CAMTA1: variants seen among roughly 807,000 people sequenced by gnomAD.
CAMTA1 encodes calmodulin-binding transcription activator 1.
CAMTA1 carries 27 observed loss-of-function variants against 170.9 expected under a neutral mutation model. The ratio of observed to expected loss-of-function variants is 0.16; its 90% CI spans 0.12 to 0.22. CAMTA1 has a LOEUF of 0.22. Ranked by LOEUF, CAMTA1 falls within the 10% of genes least tolerant of loss-of-function variation. The pLI is 1.00. For synonymous variants in CAMTA1, 833 were observed against 891.5 expected (o/e 0.93, Z 1.17); for missense variants, 1,619 against 2,217.2 (o/e 0.73, Z 5.42).
chr1:7,389,843 T>A (rs1340984275), intron 5 of CAMTA1: 1 of 152,518 alleles, frequency 6.6e-6, no homozygotes, highest in East Asian at 1.9e-4. Flanking sequence ...GCAGGACAGT[T>A]AGCCCAGACT....
At chr1:6,930,811 C>A (rs1408277043) in intron 3 of CAMTA1, among the ~76,000 whole-genome samples, 1 of 152,214 alleles carries the variant, frequency 6.6e-6, no homozygotes, top group East Asian at 1.9e-4. Flanking sequence ...TCAGCCCCTG[C>A]TCTGGAGCTT....
chr1:6,830,660 G>A (rs1329288743), intron 3 of CAMTA1, among the ~76,000 whole-genome samples: 1 of 151,870 alleles, frequency 6.6e-6, no homozygotes, highest in Admixed American at 6.6e-5. Flanking sequence ...ATTTATTGAG[G>A]TTTAATTTAT....
intron 5 of CAMTA1, among the ~76,000 whole-genome samples, chr1:7,438,015 C>T (rs2092401538): frequency 6.6e-6 from 1 of 152,218 alleles, no homozygotes; most frequent in South Asian, 2.1e-4. Flanking sequence ...CACAGAGGGC[C>T]TTGCTGAGAG....
At chr1:7,031,549 T>C (rs1702797246) in intron 3 of CAMTA1, among the ~76,000 whole-genome samples, 1 of 152,166 alleles carries the variant, frequency 6.6e-6, no homozygotes, top group Admixed American at 6.5e-5. Context: ...TCTCTGTCTT[T>C]TTTTTCTTGA....
In CAMTA1 at chr1:6,884,289, GAGACACACAC is replaced by G. The variant is rs1243245013; in HGVS notation, c.234+59081_234+59090del. Among the ~76,000 whole-genome samples, 23 of 84,180 alleles carry G rather than the reference GAGACACACAC, an allele frequency of 2.7e-4. No homozygotes were observed. In the East Asian group the frequency reaches 3.9e-3, roughly 14 times the overall value. 55.2% of individuals were successfully genotyped at this position (84,180 alleles called of 152,430 possible). On this transcript the variant is annotated intron_variant, in intron 3 of 22. Coordinates refer to ENST00000303635, the MANE Select transcript of CAMTA1 (RefSeq NM_015215.4). ...TGCAGAGAATTTAGCTTATTCTCTA[GAGACACACAC>G]ACACACACACACACACACACACACA...
At chr1:6,824,151 C>T (rs1646846130) in intron 2 of CAMTA1, among the ~76,000 whole-genome samples, 1 of 152,068 alleles carries the variant, frequency 6.6e-6, no homozygotes, top group African/African-American at 2.4e-5. Flanking sequence ...CTCCTTAGTA[C>T]CTAGTTATGT....
chr1:7,220,656 G>A (rs554823428), intron 4 of CAMTA1, among the ~76,000 whole-genome samples: 96 of 152,328 alleles, frequency 6.3e-4, no homozygotes, highest in Non-Finnish European at 1.1e-3. Flanking sequence ...GGAGGGTTAA[G>A]GCCTCAGATA....
chr1:7,550,275 A>G lies in CAMTA1; in HGVS notation c.510+82374A>G, dbSNP rs969561417. On this transcript the variant is annotated intron_variant, in intron 6 of 22. Transcript: ENST00000303635. ...GTTAAATGCAGATCTTTCTTTGGAGACCCTGGTCTGGGAGGGGAAGAACAA... is the reference window on the plus strand; with the variant it reads ...GTTAAATGCAGATCTTTCTTTGGAGGCCCTGGTCTGGGAGGGGAAGAACAA... 2.0e-5 allele frequency among the ~76,000 whole-genome samples: 3 copies of G among 151,982 alleles called. No homozygotes were observed. The East Asian group carries it at 5.8e-4, about 29-fold the overall frequency.
chr1:7,276,930 T>A lies in CAMTA1; in HGVS notation c.438+27304T>A, dbSNP rs969361954. 3.3e-5 allele frequency among the ~76,000 whole-genome samples: 5 copies of A among 152,272 alleles called. No individual in the cohort carries two copies. In the South Asian group the frequency reaches 1.0e-3, roughly 32 times the overall value. On this transcript the variant is annotated intron_variant, in intron 5 of 22. Transcript: ENST00000303635. ...ATTTTCACATATTTGCAATGAACAA[T>A]TGGAAAACAAAGATAAAGAAAAATA...
chr1:7,645,654 C>T (rs1203970138), intron 7 of CAMTA1, among the ~76,000 whole-genome samples: 1 of 152,248 alleles, frequency 6.6e-6, no homozygotes, highest in Admixed American at 6.5e-5. Flanking sequence ...CCCCCAGCCG[C>T]CTCGGGGTTT....
chr1:6,916,531 T>G (rs995393429), intron 3 of CAMTA1, among the ~76,000 whole-genome samples: 1 of 152,210 alleles, frequency 6.6e-6, no homozygotes, highest in Non-Finnish European at 1.5e-5. Flanking sequence ...TTCTTTAAAC[T>G]TTTATCACTT....
chr1:6,830,218 A>G (rs1008684875), intron 3 of CAMTA1, among the ~76,000 whole-genome samples: 1 of 150,174 alleles, frequency 6.7e-6, no homozygotes, highest in African/African-American at 2.5e-5. Flanking sequence ...TTATATTTTT[A>G]GTAGAGACGG....
At chr1:6,917,851 C>A (rs112297431) in intron 3 of CAMTA1, among the ~76,000 whole-genome samples, 7 of 29,626 alleles carry the variant, frequency 2.4e-4, no homozygotes, top group Admixed American at 6.2e-4. Context: ...CCATCGGGGG[C>A]GGGGGGGGAC....
At chr1:6,841,777 A>G (rs764063324) in intron 3 of CAMTA1, among the ~76,000 whole-genome samples, 51 of 152,182 alleles carry the variant, frequency 3.4e-4, no homozygotes, top group Non-Finnish European at 6.2e-4. Flanking sequence ...GAAATGGTTT[A>G]TAGGGATGGG....
chr1:6,910,237 G>C (rs1679415237), intron 3 of CAMTA1, among the ~76,000 whole-genome samples: 1 of 152,190 alleles, frequency 6.6e-6, no homozygotes, highest in Admixed American at 6.5e-5. Flanking sequence ...TCATAATTAA[G>C]GTTCACTATT....
intron 3 of CAMTA1, among the ~76,000 whole-genome samples, chr1:6,896,688 A>G (rs1675735809): frequency 6.6e-6 from 1 of 152,112 alleles, no homozygotes. Flanking sequence ...TCAATTAACT[A>G]CTTCTGAGGA....
At chr1:7,480,211 A>G (rs201973848) in intron 6 of CAMTA1, among the ~76,000 whole-genome samples, 7,237 of 141,334 alleles carry the variant, frequency 0.051, 257 homozygotes, top group East Asian at 0.16. Flanking sequence ...GTGTGAGTGC[A>G]TGTGTGTACG....
At chr1:6,872,786 T>C (rs138608220) in intron 3 of CAMTA1, among the ~76,000 whole-genome samples, 322 of 152,322 alleles carry the variant, frequency 2.1e-3, no homozygotes, top group Non-Finnish European at 3.6e-3. Context: ...AAAAAAAACA[T>C]GTGAATTCTC....
rs572343749 is a variant in CAMTA1, at chr1:7,592,894, A to G, written c.511-47506A>G. On this transcript the variant is annotated intron_variant, in intron 6 of 22. Coordinates refer to ENST00000303635, the MANE Select transcript of CAMTA1 (RefSeq NM_015215.4). This position sits in a 1 kb window ranked among gnomAD's most constrained non-coding sequence, Gnocchi z 4.6. ...AGGCATCATGACCTCATGAAATGCA[A>G]TATTGCATTAAACCTCAGCAGGGCC... is the stretch of plus-strand genomic sequence containing the variant. Among the ~76,000 whole-genome samples, 1 of 152,328 alleles carries G rather than the reference A, an allele frequency of 6.6e-6. No homozygotes were observed. Among genetic ancestry groups the G allele is most frequent in the African/African-American group, 2.4e-5 (1 of 41,576 alleles).
Sources: gnomAD v4.1 joint callset for allele counts (sites outside exome capture counted in the v4.1 genomes callset) on GRCh38, gnomAD v4.1.1 for gene constraint, Gnocchi (gnomAD v3.1) non-coding constraint, MANE v1.5 for transcripts, NCBI Gene and HGNC (gene_info 2026-07-23, HGNC 2026-07-21) for gene names.